CORIN: variants seen among roughly 807,000 people sequenced by gnomAD.
CORIN encodes the protein corin, serine peptidase.
A neutral mutation model predicts 125.3 loss-of-function variants in CORIN; 117 were observed. The observed-to-expected ratio is 0.93, with a 90% CI of 0.80 to 1.09. The LOEUF is 1.09. Among genes scored for constraint, CORIN ranks in the 50% least tolerant of loss-of-function variants. The probability of loss-of-function intolerance (pLI) is 0.00; values close to 1 mark genes in which losing one functional copy is unlikely to be tolerated. For synonymous variants in CORIN, 450 were observed against 466.4 expected, an observed-to-expected ratio of 0.96 and a Z score of 0.45; for missense variants, 1,253 against 1,306.7, an observed-to-expected ratio of 0.96 and a Z score of 0.63.
At chr4:47,833,521 C>CAAAAAAAAAAAAAAAAAAAGAAA (rs75657429) in intron 1 of CORIN, among the ~76,000 whole-genome samples, 1 of 115,042 alleles carries the variant, frequency 8.7e-6, no homozygotes, top group African/African-American at 3.5e-5. Flanking sequence ...AAAGCATAGG[C>CAAAAAAAAAAAAAAAAAAAGAAA]AAAAAAAAAA....
At chr4:47,792,638 T>C (rs1731129827) in intron 2 of CORIN, among the ~76,000 whole-genome samples, 1 of 152,218 alleles carries the variant, frequency 6.6e-6, no homozygotes, top group South Asian at 2.1e-4. Context: ...TTTCCAGTTC[T>C]CTCTCCTTCT....
intron 13 of CORIN, among the ~76,000 whole-genome samples, chr4:47,651,436 T>C (rs999428807): frequency 6.6e-6 from 1 of 152,340 alleles, no homozygotes; most frequent in East Asian, 1.9e-4. Context: ...CTATTAGTCC[T>C]CTGTTGAGCC....
At chr4:47,723,654 T>C (rs184045053) in intron 5 of CORIN, among the ~76,000 whole-genome samples, 2 of 152,230 alleles carry the variant, frequency 1.3e-5, no homozygotes, top group African/African-American at 4.8e-5. Flanking sequence ...CAGAATATCA[T>C]AATATTTTCA....
intron 11 of CORIN, among the ~76,000 whole-genome samples, chr4:47,664,554 T>C (rs969131120): frequency 2.6e-5 from 4 of 152,108 alleles, no homozygotes; most frequent in Non-Finnish European, 5.9e-5. Flanking sequence ...TAGCGCATCT[T>C]ATTTCATTCA....
chr4:47,814,545 A>T (rs1732185107), intron 1 of CORIN, among the ~76,000 whole-genome samples: 1 of 152,196 alleles, frequency 6.6e-6, no homozygotes, highest in Admixed American at 6.5e-5. Context: ...TTAAAAGTAG[A>T]TTTGTTGAGT....
intron 1 of CORIN, among the ~76,000 whole-genome samples, chr4:47,816,823 A>G (rs765502227): frequency 3.3e-5 from 5 of 151,296 alleles, no homozygotes; most frequent in Non-Finnish European, 7.4e-5. Flanking sequence ...AATGCCAGCC[A>G]TAGCACAAGC....
At chr4:47,609,846 A>G (rs1382625074) in intron 19 of CORIN, among the ~76,000 whole-genome samples, 2 of 152,168 alleles carry the variant, frequency 1.3e-5, no homozygotes, top group Non-Finnish European at 2.9e-5. Flanking sequence ...ATCAGTGAGA[A>G]CATGTGGTAT....
chr4:47,601,132 G>T (rs917784649), intron 20 of CORIN, among the ~76,000 whole-genome samples: 6 of 152,146 alleles, frequency 3.9e-5, no homozygotes, highest in Non-Finnish European at 7.3e-5. Flanking sequence ...GCAGACAGTG[G>T]ATGTTTCACA....
intron 12 of CORIN, among the ~76,000 whole-genome samples, chr4:47,655,920 T>G (rs1022412235): frequency 2.7e-5 from 4 of 149,288 alleles, no homozygotes; most frequent in Non-Finnish European, 5.9e-5. Context: ...AAAGAAGAAC[T>G]AGTACCAATT....
chr4:47,703,116 C>T (rs1177932384), intron 5 of CORIN, among the ~76,000 whole-genome samples: 1 of 152,080 alleles, frequency 6.6e-6, no homozygotes, highest in East Asian at 1.9e-4. Flanking sequence ...AACTATCTTC[C>T]GGATTGGATA....
intron 19 of CORIN, among the ~76,000 whole-genome samples, chr4:47,608,210 A>G (rs1321811547): frequency 1.3e-5 from 2 of 151,966 alleles, no homozygotes; most frequent in East Asian, 3.9e-4. Flanking sequence ...AACCCCAGCT[A>G]CTCAGGAGGC....
rs76175677 is a variant in CORIN, at chr4:47,667,859, T to C, written c.1358-2596A>G. Reference sequence around the variant, plus strand: ...GGGGTTGGACATTATGGACTAAATGTTTGTGTTCCCCCAAAATTCATATGT... The same window carrying C: ...GGGGTTGGACATTATGGACTAAATGCTTGTGTTCCCCCAAAATTCATATGT... On this transcript the variant is annotated intron_variant, in intron 10 of 21. Coordinates refer to ENST00000273857, the MANE Select transcript of CORIN (RefSeq NM_006587.4). Among the ~76,000 whole-genome samples the C allele has an allele frequency of 7.3e-3, 1,111 of 152,262 alleles. 16 individuals are homozygous for C. The highest frequency in any genetic ancestry group is 0.026 in the African/African-American group (1,079 of 41,554).
chr4:47,822,526 A>G (rs893597323), intron 1 of CORIN, among the ~76,000 whole-genome samples: 6 of 152,186 alleles, frequency 3.9e-5, no homozygotes, highest in African/African-American at 7.2e-5. Context: ...AGTCTTCTTC[A>G]GTCTTCTCTT....
At chr4:47,659,484 TCTATGAAGGCCC>T (rs947226108) in intron 12 of CORIN, among the ~76,000 whole-genome samples, 3 of 152,194 alleles carry the variant, frequency 2.0e-5, no homozygotes, top group Non-Finnish European at 2.9e-5. Context: ...CTGCTCAGCT[TCTATGAAGGCCC>T]CAAGAAGCTT....
intron 1 of CORIN, among the ~76,000 whole-genome samples, chr4:47,834,361 C>A (rs1216034410): frequency 6.6e-6 from 1 of 152,038 alleles, no homozygotes; most frequent in African/African-American, 2.4e-5. Context: ...CACAGAAGGA[C>A]AAATACTACA....
intron 12 of CORIN, chr4:47,661,503 C>T: frequency 2.0e-6 from 1 of 503,296 alleles, no homozygotes; most frequent in Admixed American, 3.6e-5. Flanking sequence ...AAAATGACTT[C>T]TTTATTTTTA....
At chr4:47,672,030 C>T (rs1724786451) in intron 10 of CORIN, among the ~76,000 whole-genome samples, 1 of 152,140 alleles carries the variant, frequency 6.6e-6, no homozygotes, top group Admixed American at 6.5e-5. Flanking sequence ...AATGAGGAAG[C>T]TGGTGACACA....
intron 1 of CORIN, among the ~76,000 whole-genome samples, chr4:47,821,702 T>C (rs187014103): frequency 1.4e-4 from 21 of 152,314 alleles, no homozygotes; most frequent in Admixed American, 1.0e-3. Context: ...TTTAAATGAT[T>C]GTCTCATTTC....
intron 1 of CORIN, among the ~76,000 whole-genome samples, chr4:47,823,896 T>G (rs910747138): frequency 6.6e-6 from 1 of 152,104 alleles, no homozygotes; most frequent in Non-Finnish European, 1.5e-5. Flanking sequence ...CCATCTTAGG[T>G]TGACCTCCAC....
Sources: allele counts gnomAD v4.1 joint callset (sites outside exome capture counted in the v4.1 genomes callset), GRCh38; gene constraint gnomAD v4.1.1; transcripts MANE v1.5; gene names NCBI Gene and HGNC (gene_info 2026-07-23, HGNC 2026-07-21).